UBR2: variants seen among roughly 807,000 people sequenced by gnomAD.
The protein encoded by UBR2 is ubiquitin protein ligase E3 component n-recognin 2, also known as E3 ubiquitin-protein ligase UBR2.
In UBR2, 92 loss-of-function variants were observed where a neutral mutation model predicts 247.9. The observed-to-expected ratio is 0.37, with a 90% CI of 0.31 to 0.44. UBR2 has a LOEUF of 0.44. Among genes scored for constraint, UBR2 ranks in the 20% least tolerant of loss-of-function variants. UBR2 has a pLI of 1.00. For missense variants in UBR2, 1,613 were observed against 2,112.6 expected (o/e 0.76, Z 4.64); for synonymous variants, 672 against 693.5 (o/e 0.97, Z 0.49).
intron 5 of UBR2, among the ~76,000 whole-genome samples, chr6:42,604,151 A>G (rs576310388): frequency 1.3e-5 from 2 of 152,312 alleles, no homozygotes; most frequent in East Asian, 3.9e-4. Context: ...ACTTTTAATA[A>G]AATGTATTCC....
At chr6:42,644,956 G>A (rs9367158) in intron 20 of UBR2, among the ~76,000 whole-genome samples, 150,324 of 152,260 alleles carry the variant, frequency 0.99, 74,207 homozygotes, top group East Asian at 1. Context: ...AAGGAGACCT[G>A]TGGCTAATAG....
At chr6:42,612,665 C>A (rs968062570) in intron 8 of UBR2, among the ~76,000 whole-genome samples, 3 of 152,030 alleles carry the variant, frequency 2.0e-5, no homozygotes, top group African/African-American at 7.3e-5. Flanking sequence ...AAAAATGCTG[C>A]TGTAAATAAA....
At chr6:42,640,303 T>C (rs776746841) in intron 16 of UBR2, 33 bp downstream of exon 16, 10 of 1,546,036 alleles carry the variant, frequency 6.5e-6, no homozygotes, top group Non-Finnish European at 8.8e-6. Context: ...AGTGAATACT[T>C]ATTTATTATG....
chr6:42,657,127 C>T (rs1311477034), intron 26 of UBR2, among the ~76,000 whole-genome samples: 3 of 150,598 alleles, frequency 2.0e-5, no homozygotes, highest in African/African-American at 4.9e-5. Context: ...CCCAGCTGCT[C>T]GGGAGGCTGA....
rs1402599983 is a variant in UBR2 at position 42,666,222 on chromosome 6, G to T, written c.3858G>T (p.Gly1286=). The change falls in exon 34 of 47, where the codon GGG becomes GGT. Residue 1286 remains glycine (G), a synonymous_variant. Coordinates refer to ENST00000372901, the MANE Select transcript of UBR2 (RefSeq NM_001363705.2). ...TGGATGAATTACAGCTCCCTGAAGG[G>T]TTCAGGCCTGATTTTCGTCCTAAGT... ...ENVDELQLPE[G]FRPDFRPKIP... 4.3e-6 allele frequency: 7 copies of T among 1,612,178 alleles called. No individual in the cohort carries two copies. Among genetic ancestry groups the T allele is most frequent in the Non-Finnish European group, 5.1e-6 (6 of 1,179,172 alleles).
rs61668810 is a variant in UBR2 at position 42,640,383 on chromosome 6, GGTGTGTGT to G, written c.1920+158_1920+165del. 7.3e-3 allele frequency: 1,273 copies of G among 173,988 alleles called. 5 individuals carry two copies. Among genetic ancestry groups the G allele is most frequent in the African/African-American group, 0.026 (576 of 21,888 alleles). 10.8% of individuals were successfully genotyped at this position (173,988 alleles called of 1,614,324 possible). On this transcript the variant is annotated intron_variant, in intron 16 of 46. Transcript: ENST00000372901. ...TTCTCCAGAGGAACAGAACCAGTAA[GGTGTGTGT>G]GTGTGTGTGTGTGTGTGTGTGTGTG...
intron 31 of UBR2, 51 bp from the exon 32 acceptor site, chr6:42,663,207 A>G (rs1255177728): frequency 4.9e-6 from 7 of 1,417,336 alleles, no homozygotes; most frequent in Non-Finnish European, 6.6e-6. Context: ...TATGGCTGTC[A>G]TTTATGTAAA....
chr6:42,580,724 G>T (rs576111577), intron 2 of UBR2, among the ~76,000 whole-genome samples: 1 of 152,228 alleles, frequency 6.6e-6, no homozygotes, highest in East Asian at 1.9e-4. Flanking sequence ...TGTATTTGTA[G>T]TAGAGACAGG....
chr6:42,607,922 TTTTCA>T (rs1432951930), intron 7 of UBR2, among the ~76,000 whole-genome samples: 1 of 152,086 alleles, frequency 6.6e-6, no homozygotes, highest in Admixed American at 6.5e-5. Context: ...GCAGCTTGCC[TTTTCA>T]TTTCAGTGTT....
intron 26 of UBR2, 107 bp downstream of exon 26, chr6:42,655,830 T>G (rs1352511916): frequency 3.1e-6 from 2 of 636,808 alleles, no homozygotes; most frequent in African/African-American, 3.9e-5. Context: ...GGGTAATATT[T>G]AATCCAAACA....
chr6:42,605,638 G>T, intron 5 of UBR2, 83 bp from the exon 6 acceptor site: 1 of 1,338,208 alleles, frequency 7.5e-7, no homozygotes, highest in Non-Finnish European at 1.0e-6. Context: ...ACATTGCATA[G>T]GACAAAGTAG....
intron 23 of UBR2, 36 bp downstream of exon 23, chr6:42,650,422 T>C: frequency 1.3e-6 from 2 of 1,537,358 alleles, no homozygotes; most frequent in Non-Finnish European, 1.8e-6. Context: ...CAGGGAAGGA[T>C]TGCATTGTTT....
Position 42,615,090 on chromosome 6 carries a change from A to G in UBR2, c.1005A>G (p.Leu335=). 1.2e-6 allele frequency: 2 copies of G among 1,613,248 alleles called. No homozygotes were observed. The highest frequency in any genetic ancestry group is 1.1e-5 in the South Asian group (1 of 90,902). Residue 335 remains leucine, a synonymous_variant, in exon 9 of 47, where the codon TTA becomes TTG. Coordinates refer to ENST00000372901, the MANE Select transcript of UBR2 (RefSeq NM_001363705.2). The part of the protein sequence containing the change: ...IGYSDGLRRI[L]CQVGLQEGPD... ...TTAAAGATGGCCTTCGCCGGATTTT[A>G]TGTCAAGTTGGTTTACAAGAAGGGC...
At chr6:42,640,087 T>A in intron 15 of UBR2, 122 bp from the exon 16 acceptor site, 1 of 716,400 alleles carries the variant, frequency 1.4e-6, no homozygotes, top group Non-Finnish European at 2.3e-6. Context: ...TCTTAATTGG[T>A]AATTTGATAG....
intron 2 of UBR2, among the ~76,000 whole-genome samples, chr6:42,578,158 T>C (rs1791644580): frequency 6.6e-6 from 1 of 152,228 alleles, no homozygotes; most frequent in African/African-American, 2.4e-5. Flanking sequence ...TGTACCAAGA[T>C]ATATTTATTA....
At position 42,675,991 on chromosome 6, in the gene UBR2, G is replaced by C. The variant is rs151312114; in HGVS notation, c.4252-65G>C. 1.4e-3 allele frequency: 2,099 copies of C among 1,505,818 alleles called. 2 individuals carry two copies. Among genetic ancestry groups the C allele is most frequent in the Non-Finnish European group, 1.8e-3 (1,995 of 1,130,000 alleles). The allele number at this position is 1,505,818 out of a possible 1,614,324, so 93.3% of individuals were successfully genotyped here. ...ATCAAAATAAAAGTAAAAGTAAGAA[G>C]ATGGAAATTTGCTTAGCTGTGAAAG... is the stretch of plus-strand genomic sequence containing the variant. On this transcript the variant is annotated intron_variant, in intron 38 of 46. Coordinates refer to ENST00000372901, the MANE Select transcript of UBR2 (RefSeq NM_001363705.2).
intron 25 of UBR2, among the ~76,000 whole-genome samples, chr6:42,654,166 T>A (rs1300984181): frequency 6.6e-6 from 1 of 152,192 alleles, no homozygotes; most frequent in Middle Eastern, 3.2e-3. Context: ...GCCCTCCTAT[T>A]TATCTATAAG....
At chr6:42,619,853 G>A in intron 11 of UBR2, 1 of 660,054 alleles carries the variant, frequency 1.5e-6, no homozygotes, top group Non-Finnish European at 1.9e-6. Context: ...AAGTAGCTGG[G>A]ACCACAGATG....
chr6:42,629,059 C>T (rs1442668100), intron 11 of UBR2, among the ~76,000 whole-genome samples: 1 of 152,008 alleles, frequency 6.6e-6, no homozygotes, highest in East Asian at 1.9e-4. Flanking sequence ...TCTTGTCATC[C>T]ACGCTGGAGT....
Sources: allele counts gnomAD v4.1 joint callset (sites outside exome capture counted in the v4.1 genomes callset), GRCh38; gene constraint gnomAD v4.1.1; transcripts MANE v1.5; gene names NCBI Gene and HGNC (gene_info 2026-07-23, HGNC 2026-07-21).